The following DLG2 variants were observed in gnomAD, a reference collection of about 807,000 sequenced individuals.
The protein encoded by DLG2 is discs large MAGUK scaffold protein 2.
Under a neutral mutation model 132.5 loss-of-function variants are expected in DLG2, and 45 were observed. The ratio of observed to expected loss-of-function variants is 0.34; its 90% CI spans 0.27 to 0.44. DLG2 has a LOEUF of 0.44. Ranked by LOEUF, DLG2 falls within the 20% of genes least tolerant of loss-of-function variation. The pLI is 1.00. For synonymous variants in DLG2, 424 were observed against 419.6 expected, an observed-to-expected ratio of 1.01 and a Z score of -0.13; for missense variants, 1,045 against 1,196.9, an observed-to-expected ratio of 0.87 and a Z score of 1.87.
At chr11:85,142,070 G>A (rs2076527122) in intron 5 of DLG2, among the ~76,000 whole-genome samples, 1 of 151,694 alleles carries the variant, frequency 6.6e-6, no homozygotes, top group South Asian at 2.1e-4. Flanking sequence ...CAAATTTTAG[G>A]ATTACTTTGT....
chr11:84,047,238 G>A (rs2096260344), intron 11 of DLG2, among the ~76,000 whole-genome samples: 1 of 151,528 alleles, frequency 6.6e-6, no homozygotes, highest in Non-Finnish European at 1.5e-5. Context: ...GACCTAATAT[G>A]TTTTTGAAAT....
In DLG2 at chr11:85,312,867, A is replaced by C. The variant is rs572225500; in HGVS notation, c.41-27502T>G. On this transcript the variant is annotated intron_variant, in intron 3 of 27. Coordinates refer to ENST00000376104, the MANE Select transcript of DLG2 (RefSeq NM_001142699.3). ...TTTGGCAAGAAAAACATTTAGAAAA[A>C]TATTGAGAAATGATGAATTTTTAAA... Among the ~76,000 whole-genome samples, 22 of 152,086 alleles carry C rather than the reference A, an allele frequency of 1.4e-4. No homozygotes were observed. In the South Asian group the frequency reaches 4.4e-3, roughly 30 times the overall value.
chr11:84,265,535 T>G (rs2097610721), intron 7 of DLG2, among the ~76,000 whole-genome samples: 1 of 152,192 alleles, frequency 6.6e-6, no homozygotes, highest in Admixed American at 6.5e-5. Flanking sequence ...TAACCATTTC[T>G]GATCCTGGCC....
intron 4 of DLG2, among the ~76,000 whole-genome samples, chr11:85,162,236 T>C (rs905742163): frequency 6.6e-6 from 1 of 152,122 alleles, no homozygotes; most frequent in Non-Finnish European, 1.5e-5. Flanking sequence ...ATACAGGAGA[T>C]CCATTAGGGC....
At chr11:83,518,018 T>C (rs1002223124) in intron 21 of DLG2, among the ~76,000 whole-genome samples, 2 of 152,184 alleles carry the variant, frequency 1.3e-5, no homozygotes, top group African/African-American at 4.8e-5. Flanking sequence ...TCAAGGTGCA[T>C]GCTGGGAGAA....
At chr11:84,369,899 C>T (rs1163298120) in intron 7 of DLG2, among the ~76,000 whole-genome samples, 1 of 152,084 alleles carries the variant, frequency 6.6e-6, no homozygotes, top group Non-Finnish European at 1.5e-5. Context: ...AAACTTTATC[C>T]CTTCACCTTA....
At chr11:84,480,922 A>G (rs2099135596) in intron 7 of DLG2, among the ~76,000 whole-genome samples, 1 of 151,692 alleles carries the variant, frequency 6.6e-6, no homozygotes, top group Non-Finnish European at 1.5e-5. Context: ...TATTTTTAGT[A>G]GAGACGGGAT....
intron 6 of DLG2, among the ~76,000 whole-genome samples, chr11:84,975,479 CATTT>C (rs1272037105): frequency 6.6e-6 from 1 of 152,150 alleles, no homozygotes; most frequent in Non-Finnish European, 1.5e-5. Flanking sequence ...CTTCAAGACA[CATTT>C]TGTGATCATG....
chr11:83,862,738 G>C (rs886689468), intron 16 of DLG2, among the ~76,000 whole-genome samples: 2 of 152,140 alleles, frequency 1.3e-5, no homozygotes, highest in Admixed American at 6.6e-5. Flanking sequence ...CAACTACAGA[G>C]AGAGAGAAAG....
chr11:84,858,372 T>C (rs966262329), intron 6 of DLG2, among the ~76,000 whole-genome samples: 2 of 152,070 alleles, frequency 1.3e-5, no homozygotes, highest in Non-Finnish European at 2.9e-5. Context: ...TAGGAGTACC[T>C]GTTGCTTGAA....
At position 84,992,057 on chromosome 11, in the gene DLG2, G is replaced by C. The variant is rs565393576; in HGVS notation, c.357+119604C>G. On this transcript the variant is annotated intron_variant, in intron 6 of 27. Transcript: ENST00000376104. ...CTTTCTACCAATGGCCTTTCCACAT[G>C]CTGCTCTCTCTCTCTCTGGAGTGTT... Among the ~76,000 whole-genome samples, 11 of 152,092 alleles carry C rather than the reference G, an allele frequency of 7.2e-5. No individual in the cohort carries two copies. In the East Asian group the frequency reaches 1.7e-3, roughly 24 times the overall value.
At chr11:83,508,403 ATTTTTT>A (rs746968613) in intron 21 of DLG2, among the ~76,000 whole-genome samples, 2 of 80,238 alleles carry the variant, frequency 2.5e-5, no homozygotes, top group African/African-American at 1.3e-4. Context: ...CGCCTGGCTA[ATTTTTT>A]TTTTTTTTTT....
intron 7 of DLG2, among the ~76,000 whole-genome samples, chr11:84,297,145 C>G (rs966822155): frequency 6.9e-6 from 1 of 144,368 alleles, no homozygotes; most frequent in African/African-American, 2.5e-5. Context: ...AAAAAAAACA[C>G]CTAGACGAGC....
chr11:83,818,880 G>C (rs923061806), intron 17 of DLG2, among the ~76,000 whole-genome samples: 10 of 152,258 alleles, frequency 6.6e-5, no homozygotes, highest in Admixed American at 4.6e-4. Flanking sequence ...TAGCATAAGA[G>C]ACTGCCCAAA....
At chr11:85,231,175 G>C (rs984328866) in intron 4 of DLG2, among the ~76,000 whole-genome samples, 2 of 151,838 alleles carry the variant, frequency 1.3e-5, no homozygotes, top group African/African-American at 4.8e-5. Context: ...CTCCTGTTGG[G>C]ACTGCAAATA....
At chr11:84,707,883 C>T (rs886533550) in intron 6 of DLG2, among the ~76,000 whole-genome samples, 6 of 151,830 alleles carry the variant, frequency 4.0e-5, no homozygotes, top group Non-Finnish European at 8.8e-5. Context: ...CCCAGAAATA[C>T]ATAGGTTTAG....
intron 4 of DLG2, among the ~76,000 whole-genome samples, chr11:85,190,104 A>G (rs537301118): frequency 6.6e-6 from 1 of 152,382 alleles, no homozygotes; most frequent in South Asian, 2.1e-4. Context: ...GCAAAGGATC[A>G]TGAATAAATA....
In DLG2 at chr11:84,397,157, G is replaced by A. The variant is rs140555911; in HGVS notation, c.519+137413C>T. Among the ~76,000 whole-genome samples, 961 of 152,234 alleles carry A rather than the reference G, an allele frequency of 6.3e-3. 10 individuals carry two copies. The highest frequency in any genetic ancestry group is 9.5e-3 in the Non-Finnish European group (647 of 68,008). On this transcript the variant is annotated intron_variant, in intron 7 of 27. Transcript: ENST00000376104. Reference sequence around the variant, plus strand: ...AAGGAAAACAGGAAAAAGACCTCAAGGAGGATAAATGGCTAGCAAGAGTAA... The same window carrying A: ...AAGGAAAACAGGAAAAAGACCTCAAAGAGGATAAATGGCTAGCAAGAGTAA...
At chr11:84,561,442 T>C (rs2099428595) in intron 6 of DLG2, among the ~76,000 whole-genome samples, 1 of 152,126 alleles carries the variant, frequency 6.6e-6, no homozygotes, top group South Asian at 2.1e-4. Flanking sequence ...TAGCAGCCAA[T>C]GTTCTCTCTT....
Sources: gnomAD v4.1 joint callset for allele counts (sites outside exome capture counted in the v4.1 genomes callset) on GRCh38, gnomAD v4.1.1 for gene constraint, MANE v1.5 for transcripts, NCBI Gene and HGNC (gene_info 2026-07-23, HGNC 2026-07-21) for gene names.